MCTP2: variants seen among roughly 807,000 people sequenced by gnomAD.
MCTP2 encodes the protein multiple C2 and transmembrane domain containing 2.
Under a neutral mutation model 111.6 loss-of-function variants are expected in MCTP2, and 132 were observed. The observed-to-expected ratio is 1.18, with a 90% CI of 1.03 to 1.37. The LOEUF (loss-of-function observed/expected upper bound fraction) is 1.37, where lower values mean the gene tolerates loss of function less well. Ranked by LOEUF, MCTP2 falls within the 40% of genes most tolerant of loss-of-function variation. The pLI is 0.00. For synonymous variants in MCTP2, 395 were observed against 387.7 expected (o/e 1.02, Z -0.22); for missense variants, 1,183 against 1,067.9 (o/e 1.11, Z -1.50).
intron 4 of MCTP2, among the ~76,000 whole-genome samples, chr15:94,327,842 GT>G (rs771197396): frequency 1.3e-5 from 2 of 152,140 alleles, no homozygotes; most frequent in African/African-American, 2.4e-5. Context: ...GAAGATTTTT[GT>G]TGTATGGTTT....
intron 1 of MCTP2, among the ~76,000 whole-genome samples, chr15:94,296,758 C>A (rs1336905683): frequency 6.6e-6 from 1 of 152,202 alleles, no homozygotes; most frequent in Non-Finnish European, 1.5e-5. Flanking sequence ...CCTGGTCCTA[C>A]CTCTAAGTAG....
At chr15:94,301,619 A>G (rs1231298248) in intron 2 of MCTP2, among the ~76,000 whole-genome samples, 1 of 152,244 alleles carries the variant, frequency 6.6e-6, no homozygotes, top group Non-Finnish European at 1.5e-5. Flanking sequence ...TTTAATACAA[A>G]AACGATGATA....
chr15:94,236,221 A>G (rs2070530748), intron 1 of MCTP2, among the ~76,000 whole-genome samples: 1 of 152,018 alleles, frequency 6.6e-6, no homozygotes, highest in African/African-American at 2.4e-5. Context: ...CTAGAGGCCA[A>G]GCACCTCCCC....
chr15:94,458,304 T>TG (rs1461216828), intron 20 of MCTP2, 58 bp downstream of exon 20: 5 of 1,012,952 alleles, frequency 4.9e-6, no homozygotes, highest in African/African-American at 3.2e-5. Flanking sequence ...ACAAGGACAG[T>TG]GGGGTAATGG....
intron 10 of MCTP2, among the ~76,000 whole-genome samples, chr15:94,363,577 G>C (rs1445008069): frequency 6.6e-6 from 1 of 152,124 alleles, no homozygotes; most frequent in Admixed American, 6.6e-5. Flanking sequence ...ACATGATAAG[G>C]CTAGAGATGA....
rs765721435 is a variant in MCTP2 at position 94,458,224 on chromosome 15, T to G, written c.2338T>G (p.Ser780Ala). 2 of 1,606,292 alleles carry G rather than the reference T, an allele frequency of 1.2e-6. No homozygotes were observed. The highest frequency in any genetic ancestry group is 1.7e-6 in the Non-Finnish European group (2 of 1,172,810). The change falls in exon 20 of 23, where the codon TCT becomes GCT. Residue 780 changes from serine to alanine, a missense_variant. By Grantham distance (99) the Ser-to-Ala change is moderately conservative. Transcript: ENST00000357742. ...TCAAAACGTCTTGGAGGAAATAGCT[T>G]CTTTTGGAGAAAGGATTAAGAAGTA... is the stretch of plus-strand genomic sequence containing the variant. ...TVQNVLEEIA[S>A]FGERIKNTFN...
chr15:94,464,078 T>C (rs954818497), intron 20 of MCTP2, among the ~76,000 whole-genome samples: 1 of 151,100 alleles, frequency 6.6e-6, no homozygotes, highest in Non-Finnish European at 1.5e-5. Context: ...AAACTCATAA[T>C]ACAAGGTCAG....
chr15:94,321,408 C>A (rs1416323074), intron 4 of MCTP2, among the ~76,000 whole-genome samples: 1 of 151,950 alleles, frequency 6.6e-6, no homozygotes, highest in Admixed American at 6.6e-5. Context: ...TTACGTGTAC[C>A]CCATAAATAT....
At chr15:94,406,993 G>A (rs1412751479) in intron 17 of MCTP2, among the ~76,000 whole-genome samples, 1 of 151,380 alleles carries the variant, frequency 6.6e-6, no homozygotes, top group Non-Finnish European at 1.5e-5. Context: ...ATGTCTAGTG[G>A]GGATCTCTAT....
intron 1 of MCTP2, among the ~76,000 whole-genome samples, chr15:94,241,134 A>ATCC (rs10700594): frequency 0.47 from 71,845 of 151,620 alleles, 17,197 homozygotes; most frequent in African/African-American, 0.53. Context: ...TCTCCTAGGG[A>ATCC]TCCTTTAGTT....
At chr15:94,268,481 C>T (rs1287106328) in intron 1 of MCTP2, among the ~76,000 whole-genome samples, 6 of 152,074 alleles carry the variant, frequency 3.9e-5, no homozygotes, top group Admixed American at 1.3e-4. Flanking sequence ...CATGAGCCAC[C>T]GCGCCTGGCC....
chr15:94,320,827 T>A (rs773065588), intron 4 of MCTP2, among the ~76,000 whole-genome samples: 1 of 152,168 alleles, frequency 6.6e-6, no homozygotes, highest in Non-Finnish European at 1.5e-5. Flanking sequence ...ATTGAATGAC[T>A]TATTGAGGGT....
chr15:94,390,089 T>TATATATATATATAC (rs1567602819), intron 14 of MCTP2, among the ~76,000 whole-genome samples: 25 of 13,608 alleles, frequency 1.8e-3, no homozygotes, highest in Admixed American at 8.3e-3. Context: ...TATATATATA[T>TATATATATATATAC]GTATATATAT....
At chr15:94,364,119 A>G (rs1329523964) in intron 10 of MCTP2, among the ~76,000 whole-genome samples, 1 of 151,600 alleles carries the variant, frequency 6.6e-6, no homozygotes, top group East Asian at 1.9e-4. Flanking sequence ...GTATTTCTGT[A>G]GTTCAGGGGT....
intron 1 of MCTP2, among the ~76,000 whole-genome samples, chr15:94,283,293 C>T (rs1483716299): frequency 6.6e-6 from 1 of 152,144 alleles, no homozygotes; most frequent in Non-Finnish European, 1.5e-5. Context: ...GCAAGACATC[C>T]TTGCTCTGTC....
intron 2 of MCTP2, among the ~76,000 whole-genome samples, chr15:94,307,159 C>CA (rs1334086275): frequency 1.3e-5 from 2 of 151,906 alleles, no homozygotes; most frequent in East Asian, 3.9e-4. Context: ...GAGTAGTCAA[C>CA]AAAATAGAAA....
rs542842332 is a variant in MCTP2, at chr15:94,311,029, T to A, written c.466-3253T>A. 1.3e-4 allele frequency among the ~76,000 whole-genome samples: 20 copies of A among 149,724 alleles called. No individual in the cohort carries two copies. In the East Asian group the frequency reaches 1.4e-3, roughly 10 times the overall value. On this transcript the variant is annotated intron_variant, in intron 2 of 22. Transcript: ENST00000357742. ...TTGGGAACTTTCCTTTTTTTTTTTTTTTTTTTTATTTTTGAGATGGAGTCT... is the reference window on the plus strand; with the variant it reads ...TTGGGAACTTTCCTTTTTTTTTTTTATTTTTTTATTTTTGAGATGGAGTCT...
chr15:94,417,971 A>G (rs1238014194), intron 17 of MCTP2, among the ~76,000 whole-genome samples: 1 of 152,110 alleles, frequency 6.6e-6, no homozygotes, highest in African/African-American at 2.4e-5. Context: ...ATAAAGCTGC[A>G]AGTGGAGTAA....
intron 4 of MCTP2, among the ~76,000 whole-genome samples, chr15:94,318,602 G>A (rs2076489579): frequency 2.6e-5 from 4 of 152,094 alleles, no homozygotes; most frequent in Admixed American, 1.3e-4. Context: ...GATATATACA[G>A]GCCCTGGACC....
Sources: allele counts gnomAD v4.1 joint callset (sites outside exome capture counted in the v4.1 genomes callset), GRCh38; gene constraint gnomAD v4.1.1; transcripts MANE v1.5; gene names NCBI Gene and HGNC (gene_info 2026-07-23, HGNC 2026-07-21).